Variants in KLHL1 observed in about 807,000 individuals in gnomAD.
The protein encoded by KLHL1 is kelch-like protein 1.
Under a neutral mutation model 77.7 loss-of-function variants are expected in KLHL1, and 47 were observed. That is an observed-to-expected ratio of 0.60 (90% CI 0.48 to 0.77). KLHL1 has a LOEUF of 0.77. KLHL1 is among the 30% of genes least tolerant of loss of function. The pLI is 0.00. For missense variants in KLHL1, 925 were observed against 910.8 expected (o/e 1.02, Z -0.20); for synonymous variants, 360 against 325.2 (o/e 1.11, Z -1.15).
chr13:70,021,773 G>A (rs1261316715), intron 1 of KLHL1, among the ~76,000 whole-genome samples: 1 of 151,966 alleles, frequency 6.6e-6, no homozygotes, highest in East Asian at 1.9e-4. Flanking sequence ...GTTTTCATCT[G>A]TATATCTTTT....
intron 4 of KLHL1, among the ~76,000 whole-genome samples, chr13:69,907,979 A>G (rs1426710361): frequency 6.6e-6 from 1 of 152,078 alleles, no homozygotes; most frequent in Non-Finnish European, 1.5e-5. Flanking sequence ...CCATGTAGAT[A>G]GTGAAGCCAA....
intron 4 of KLHL1, among the ~76,000 whole-genome samples, chr13:69,922,642 G>C (rs1882681338): frequency 6.6e-6 from 1 of 152,064 alleles, no homozygotes; most frequent in Admixed American, 6.6e-5. Flanking sequence ...CAGCTCCTGT[G>C]TAGCTCAATA....
At position 70,107,533 on chromosome 13, in the gene KLHL1, A is replaced by G. The variant is rs1012496803; in HGVS notation, c.167T>C (p.Leu56Pro). 1.2e-6 allele frequency: 2 copies of G among 1,611,002 alleles called. No homozygotes were observed. The highest frequency in any genetic ancestry group is 1.3e-5 in the African/African-American group (1 of 75,048). Residue 56 changes from leucine (L) to proline (P), a missense_variant, in exon 1 of 11, where the codon CTG (leucine) becomes CCG (proline). Coordinates refer to ENST00000377844, the MANE Select transcript of KLHL1 (RefSeq NM_020866.3). ...ACCGCTTCTCTCTTGGCTTTTGAGC[A>G]GGCGACTCTGGCTGGGTCCCCAGTG... ...FEHWGPSQSRLLKSQERSGVS... is the reference protein window; with the variant it reads ...FEHWGPSQSRPLKSQERSGVS...
intron 4 of KLHL1, among the ~76,000 whole-genome samples, chr13:69,903,007 C>T (rs572160301): frequency 1.3e-5 from 2 of 151,962 alleles, no homozygotes; most frequent in African/African-American, 4.8e-5. Flanking sequence ...ATATAGTGTG[C>T]CTTATCATTT....
At position 70,108,207 on chromosome 13, in the gene KLHL1, C is replaced by A. The variant is rs41283980; in HGVS notation, c.-508G>T. 45,834 of 394,714 alleles carry A rather than the reference C, an allele frequency of 0.12. 3,356 individuals are homozygous for A. The highest frequency in any genetic ancestry group is 0.26 in the African/African-American group (12,804 of 48,456). The allele number at this position is 394,714 out of a possible 1,614,324, so 24.5% of individuals were successfully genotyped here. ...GTCTGGAGAGCGCAGAGAGAAAGAG[C>A]CCCAAGTCTCGAGGAAGCGTACCCC... On this transcript the variant is annotated 5_prime_UTR_variant, in exon 1 of 11. Transcript: ENST00000377844.
At chr13:69,923,223 G>T (rs1882702110) in intron 4 of KLHL1, among the ~76,000 whole-genome samples, 1 of 152,152 alleles carries the variant, frequency 6.6e-6, no homozygotes, top group East Asian at 1.9e-4. Context: ...AATAGATATA[G>T]TTCATTAACG....
Position 69,917,199 on chromosome 13 carries a change from T to C in KLHL1, c.1014+22841A>G, listed in dbSNP as rs79798521. Among the ~76,000 whole-genome samples the C allele has an allele frequency of 4.1e-3, 619 of 152,132 alleles. 3 individuals carry two copies. The highest frequency in any genetic ancestry group is 6.7e-3 in the Non-Finnish European group (453 of 67,960). On this transcript the variant is annotated intron_variant, in intron 4 of 10. Coordinates refer to ENST00000377844, the MANE Select transcript of KLHL1 (RefSeq NM_020866.3). ...TTTATGAGAAGTAGAGTTATCTGTA[T>C]ATTCTTCTATGCCGTTTTCACAATT...
At chr13:69,893,209 T>C (rs1881489802) in intron 4 of KLHL1, among the ~76,000 whole-genome samples, 2 of 151,798 alleles carry the variant, frequency 1.3e-5, no homozygotes, top group Admixed American at 6.6e-5. Context: ...GTGATAATTC[T>C]CTTGGTAGCT....
At chr13:70,098,157 T>G (rs977341258) in intron 1 of KLHL1, among the ~76,000 whole-genome samples, 3 of 151,884 alleles carry the variant, frequency 2.0e-5, no homozygotes, top group Non-Finnish European at 4.4e-5. Context: ...TATGGTATGA[T>G]GTTTTAAACT....
intron 1 of KLHL1, among the ~76,000 whole-genome samples, chr13:70,041,913 G>C (rs1886387368): frequency 6.6e-6 from 1 of 152,062 alleles, no homozygotes; most frequent in South Asian, 2.1e-4. Flanking sequence ...TGGCAGGAGG[G>C]GAAGTAAGAG....
chr13:69,790,513 T>A (rs538034120), intron 7 of KLHL1, among the ~76,000 whole-genome samples: 2 of 152,292 alleles, frequency 1.3e-5, no homozygotes, highest in African/African-American at 4.8e-5. Flanking sequence ...GACCAGTATC[T>A]CTTGTGACTA....
At chr13:70,002,661 T>A (rs1306830302) in intron 1 of KLHL1, among the ~76,000 whole-genome samples, 1 of 151,768 alleles carries the variant, frequency 6.6e-6, no homozygotes, top group Non-Finnish European at 1.5e-5. Flanking sequence ...AGACACATCA[T>A]GTCAATGACA....
At chr13:70,015,322 T>C (rs966275570) in intron 1 of KLHL1, among the ~76,000 whole-genome samples, 2 of 152,138 alleles carry the variant, frequency 1.3e-5, no homozygotes, top group African/African-American at 2.4e-5. Context: ...TGGGCAATTT[T>C]AATATAAAGG....
rs1052995551 is a variant in KLHL1, at chr13:69,882,263, A to G, written c.1227+20T>C. The G allele has an allele frequency of 6.5e-7, 1 of 1,538,856 alleles. No homozygotes were observed. The highest frequency in any genetic ancestry group is 1.4e-5 in the African/African-American group (1 of 73,446). On this transcript the variant is annotated intron_variant, in intron 5 of 10. Coordinates refer to ENST00000377844, the MANE Select transcript of KLHL1 (RefSeq NM_020866.3). ...TTTTCAGTACATTGAATCTATTTAAACAGCGTCACACATCATTACCTGTGG... is the reference window on the plus strand; with the variant it reads ...TTTTCAGTACATTGAATCTATTTAAGCAGCGTCACACATCATTACCTGTGG...
chr13:69,839,183 C>T, intron 5 of KLHL1, 21 bp from the exon 6 acceptor site: 4 of 1,487,230 alleles, frequency 2.7e-6, no homozygotes, highest in Non-Finnish European at 3.7e-6. Flanking sequence ...TACACAATAG[C>T]TGTTAATAAT....
At chr13:69,840,092 A>G (rs191026992) in intron 5 of KLHL1, among the ~76,000 whole-genome samples, 1,702 of 137,684 alleles carry the variant, frequency 0.012, 21 homozygotes, top group Non-Finnish European at 0.02. Flanking sequence ...TGTTCATTGA[A>G]TGAATAAAAA....
intron 4 of KLHL1, 101 bp downstream of exon 4, chr13:69,939,939 C>T: frequency 1.2e-6 from 1 of 844,648 alleles, no homozygotes; most frequent in East Asian, 2.9e-5. Context: ...ATAGAAAACT[C>T]ATTTTAAACT....
intron 1 of KLHL1, among the ~76,000 whole-genome samples, chr13:70,086,767 A>T (rs1175636025): frequency 4.0e-5 from 6 of 151,074 alleles, no homozygotes; most frequent in African/African-American, 1.2e-4. Context: ...GGCAAACTAC[A>T]GTGTGATGAG....
At chr13:69,853,550 G>A (rs888492725) in intron 5 of KLHL1, among the ~76,000 whole-genome samples, 1 of 151,904 alleles carries the variant, frequency 6.6e-6, no homozygotes, top group African/African-American at 2.4e-5. Flanking sequence ...CTTTACACAT[G>A]GCCCTCCTGG....
Sources: allele counts gnomAD v4.1 joint callset (sites outside exome capture counted in the v4.1 genomes callset), GRCh38; gene constraint gnomAD v4.1.1; transcripts MANE v1.5; gene names NCBI Gene and HGNC (gene_info 2026-07-23, HGNC 2026-07-21).